ASTN2: variants seen among roughly 807,000 people sequenced by gnomAD.
ASTN2 encodes the protein astrotactin 2.
Under a neutral mutation model 139.8 loss-of-function variants are expected in ASTN2, and 54 were observed. The observed-to-expected ratio is 0.39, with a 90% confidence interval of 0.31 to 0.48. The LOEUF is 0.48. Among genes scored for constraint, ASTN2 ranks in the 20% least tolerant of loss-of-function variants. The pLI is 0.95. For missense variants in ASTN2, 1,565 were observed against 1,725.1 expected, an observed-to-expected ratio of 0.91 and a Z score of 1.64; for synonymous variants, 756 against 719.5, an observed-to-expected ratio of 1.05 and a Z score of -0.81.
At chr9:116,490,595 C>G (rs945890926) in intron 19 of ASTN2, among the ~76,000 whole-genome samples, 1 of 152,158 alleles carries the variant, frequency 6.6e-6, no homozygotes, top group African/African-American at 2.4e-5. Context: ...CATGGTTCTG[C>G]ATGGCTAGAG....
intron 13 of ASTN2, among the ~76,000 whole-genome samples, chr9:116,772,988 G>T (rs185216199): frequency 6.6e-6 from 1 of 152,058 alleles, no homozygotes; most frequent in South Asian, 2.1e-4. Flanking sequence ...AGATGGAAGA[G>T]AAAAAGAAAT....
At chr9:117,237,525 C>G (rs1286560365) in intron 2 of ASTN2, among the ~76,000 whole-genome samples, 2 of 152,072 alleles carry the variant, frequency 1.3e-5, no homozygotes, top group Non-Finnish European at 2.9e-5. Flanking sequence ...AGTTGCCCAG[C>G]CTGGAGTGCA....
intron 3 of ASTN2, among the ~76,000 whole-genome samples, chr9:117,178,473 C>T (rs1168386027): frequency 1.3e-5 from 2 of 152,178 alleles, no homozygotes; most frequent in Non-Finnish European, 2.9e-5. Flanking sequence ...CCCTCAAGCA[C>T]TTAAGGACCA....
Position 116,698,418 on chromosome 9 carries a change from T to C in ASTN2, c.2806+27353A>G, listed in dbSNP as rs1336278747. The stretch of plus-strand genomic sequence containing the variant: ...TAGTCAAGTGGTAGAGGAGCAGAGT[T>C]ACCTGCTTAACATTGCAGAGGTGCA... On this transcript the variant is annotated intron_variant, in intron 16 of 22. Coordinates refer to ENST00000313400, the MANE Select transcript of ASTN2 (RefSeq NM_001365068.1). The surrounding 1 kb of genome is among the most constrained non-coding windows in gnomAD (Gnocchi z 4.4). The C allele has an allele frequency of 6.2e-7, 1 of 1,613,978 alleles. No individual in the cohort carries two copies. Among genetic ancestry groups the C allele is most frequent in the East Asian group, 2.2e-5 (1 of 44,866 alleles).
chr9:116,862,326 G>C (rs1450827767), intron 11 of ASTN2, among the ~76,000 whole-genome samples: 2 of 152,006 alleles, frequency 1.3e-5, no homozygotes, highest in Non-Finnish European at 2.9e-5. Context: ...GGTACTTCTG[G>C]GGTGTTGAGC....
In ASTN2 at chr9:116,508,182, C is replaced by T. The variant is rs370630983; in HGVS notation, c.3356-20682G>A. Reference sequence around the variant, plus strand: ...CTTGGATTACAGGCGTGAGCCACCACGCCCCGTAACAACTTTCTAAGCCTC... The same window carrying T: ...CTTGGATTACAGGCGTGAGCCACCATGCCCCGTAACAACTTTCTAAGCCTC... On this transcript the variant is annotated intron_variant, in intron 19 of 22. Transcript: ENST00000313400. Among the ~76,000 whole-genome samples the T allele has an allele frequency of 1.2e-4, 19 of 152,322 alleles. No homozygotes were observed. In the East Asian group the frequency reaches 1.9e-3, roughly 15 times the overall value.
intron 7 of ASTN2, among the ~76,000 whole-genome samples, chr9:116,992,921 C>T (rs1050635424): frequency 6.6e-6 from 1 of 152,170 alleles, no homozygotes; most frequent in Non-Finnish European, 1.5e-5. Context: ...CTTCTTTCTG[C>T]CTTGGCTTTT....
intron 1 of ASTN2, among the ~76,000 whole-genome samples, chr9:117,291,966 G>A (rs1485414514): frequency 6.6e-6 from 1 of 152,142 alleles, no homozygotes; most frequent in Non-Finnish European, 1.5e-5. Flanking sequence ...AGCCAGAAAG[G>A]CCCAAGAGAG....
chr9:117,353,674 G>T (rs1472152705), intron 1 of ASTN2, among the ~76,000 whole-genome samples: 3 of 152,060 alleles, frequency 2.0e-5, no homozygotes, highest in Admixed American at 1.3e-4. Flanking sequence ...CTTGATTTTA[G>T]TTCACCTTTA....
intron 17 of ASTN2, among the ~76,000 whole-genome samples, chr9:116,632,150 G>C (rs924563487): frequency 5.3e-5 from 4 of 75,552 alleles, no homozygotes; most frequent in Admixed American, 1.6e-4. Flanking sequence ...GAGAGAGAGA[G>C]AGAGAGACAG....
intron 4 of ASTN2, among the ~76,000 whole-genome samples, chr9:117,102,879 C>A (rs1467953606): frequency 7.0e-6 from 1 of 142,116 alleles, no homozygotes; most frequent in South Asian, 2.3e-4. Flanking sequence ...AAAAAAGAAA[C>A]CAACTTTTTT....
chr9:116,839,361 T>G (rs1339254540), intron 11 of ASTN2, among the ~76,000 whole-genome samples: 5 of 152,278 alleles, frequency 3.3e-5, no homozygotes, highest in Middle Eastern at 3.4e-3. Context: ...TTTATTGAAG[T>G]ATAATCTACA....
chr9:117,010,118 G>A (rs1837475282), intron 6 of ASTN2, among the ~76,000 whole-genome samples: 1 of 152,076 alleles, frequency 6.6e-6, no homozygotes. Context: ...TCAGGACTGA[G>A]GTAAGGAAAT....
chr9:116,738,454 T>C (rs1159794782), intron 13 of ASTN2, among the ~76,000 whole-genome samples: 1 of 151,738 alleles, frequency 6.6e-6, no homozygotes, highest in Non-Finnish European at 1.5e-5. Flanking sequence ...TGAGCTGAGA[T>C]TGCGCTGAGA....
At chr9:116,741,411 TA>T (rs1410782739) in intron 13 of ASTN2, among the ~76,000 whole-genome samples, 1 of 152,156 alleles carries the variant, frequency 6.6e-6, no homozygotes, top group African/African-American at 2.4e-5. Context: ...ACACTGCCCA[TA>T]AGCCTCAAAA....
In ASTN2 at chr9:116,632,180, G is replaced by A. The variant is rs1564168770; in HGVS notation, c.3073-11737C>T. On this transcript the variant is annotated intron_variant, in intron 17 of 22. Transcript: ENST00000313400. ...AGACAGAGAGAGAGAGAGAGAGAGA[G>A]AGAGGGAGAGAGAGAGAAAGAAAGA... is the stretch of plus-strand genomic sequence containing the variant. Among the ~76,000 whole-genome samples, 125 of 17,088 alleles carry A rather than the reference G, an allele frequency of 7.3e-3. 1 individual carries two copies. The highest frequency in any genetic ancestry group is 0.034 in the African/African-American group (122 of 3,624). 11.2% of individuals were successfully genotyped at this position (17,088 alleles called of 152,430 possible).
intron 22 of ASTN2, among the ~76,000 whole-genome samples, chr9:116,430,962 G>A (rs1847478575): frequency 6.6e-6 from 1 of 152,188 alleles, no homozygotes; most frequent in African/African-American, 2.4e-5. Flanking sequence ...GACCACTTTT[G>A]TCAAATACCG....
At chr9:116,728,115 C>A (rs1786672192) in intron 15 of ASTN2, among the ~76,000 whole-genome samples, 1 of 152,040 alleles carries the variant, frequency 6.6e-6, no homozygotes, top group Non-Finnish European at 1.5e-5. Flanking sequence ...TCATTCATTC[C>A]TTATTTTTCA....
intron 2 of ASTN2, among the ~76,000 whole-genome samples, chr9:117,267,944 T>A (rs766084890): frequency 6.6e-6 from 1 of 152,206 alleles, no homozygotes; most frequent in Non-Finnish European, 1.5e-5. Flanking sequence ...CACTTTGTTG[T>A]TACATATCAG....
Sources: gnomAD v4.1 joint callset for allele counts (sites outside exome capture counted in the v4.1 genomes callset) on GRCh38, gnomAD v4.1.1 for gene constraint, Gnocchi (gnomAD v3.1) non-coding constraint, MANE v1.5 for transcripts, NCBI Gene and HGNC (gene_info 2026-07-23, HGNC 2026-07-21) for gene names.